CRISPLD2: variants seen among roughly 807,000 people sequenced by gnomAD.
The protein encoded by CRISPLD2 is cysteine-rich secretory protein LCCL domain-containing 2.
Under a neutral mutation model 71.1 loss-of-function variants are expected in CRISPLD2, and 47 were observed. That is an observed-to-expected ratio of 0.66 (90% CI 0.52 to 0.84). The LOEUF is 0.84. Ranked by LOEUF, CRISPLD2 falls within the 40% of genes least tolerant of loss-of-function variation. The pLI, the probability that CRISPLD2 is intolerant of heterozygous loss-of-function variation, is 0.00. For synonymous variants in CRISPLD2, 317 were observed against 250.1 expected, an observed-to-expected ratio of 1.27 and a Z score of -2.52; for missense variants, 830 against 651.1, an observed-to-expected ratio of 1.27 and a Z score of -2.99.
At chr16:84,864,463 C>G (rs1357066352) in intron 6 of CRISPLD2, among the ~76,000 whole-genome samples, 1 of 152,214 alleles carries the variant, frequency 6.6e-6, no homozygotes, top group African/African-American at 2.4e-5. Context: ...CTCCAGCCAG[C>G]TCCCGCTCTC....
At chr16:84,848,114 GC>G (rs1438193678) in intron 3 of CRISPLD2, among the ~76,000 whole-genome samples, 2 of 152,220 alleles carry the variant, frequency 1.3e-5, no homozygotes, top group East Asian at 1.9e-4. Flanking sequence ...ACTCTGCATG[GC>G]CCCCCGGGGC....
In CRISPLD2 at chr16:84,844,817, G is replaced by T. The variant is rs547298526; in HGVS notation, c.241-969G>T. ...CTTTGCAGGCCTGTGTGTCGCTGAC[G>T]TGGATAAAGCCTCCCTGACTGCAGC... is the stretch of plus-strand genomic sequence containing the variant. On this transcript the variant is annotated intron_variant, in intron 2 of 14. Transcript: ENST00000262424. 5.9e-5 allele frequency among the ~76,000 whole-genome samples: 9 copies of T among 152,242 alleles called. No individual in the cohort carries two copies. In the South Asian group the frequency reaches 1.9e-3, roughly 32 times the overall value.
intron 5 of CRISPLD2, among the ~76,000 whole-genome samples, chr16:84,851,952 A>G (rs1185057198): frequency 6.6e-6 from 1 of 152,232 alleles, no homozygotes; most frequent in African/African-American, 2.4e-5. Context: ...CAGAGGCCAC[A>G]GCCTGGGCAG....
In CRISPLD2 at chr16:84,849,530, C is replaced by A. The variant is rs1343218158; in HGVS notation, c.492+13C>A. Reference sequence around the variant, plus strand: ...GCACTACACACAGGTAACTCGGGGACTTGCCACGACCTCAGCCCTGCCCCC... The same window carrying A: ...GCACTACACACAGGTAACTCGGGGAATTGCCACGACCTCAGCCCTGCCCCC... On this transcript the variant is annotated intron_variant, in intron 4 of 14. Coordinates refer to ENST00000262424, the MANE Select transcript of CRISPLD2 (RefSeq NM_031476.4). The A allele has an allele frequency of 1.9e-6, 3 of 1,612,704 alleles. No individual in the cohort carries two copies. The East Asian group carries it at 6.7e-5, about 36-fold the overall frequency.
intron 14 of CRISPLD2, among the ~76,000 whole-genome samples, chr16:84,892,669 A>G (rs906788141): frequency 6.6e-6 from 1 of 152,042 alleles, no homozygotes; most frequent in African/African-American, 2.4e-5. Context: ...TGATTCTGAT[A>G]TTATTTTGCT....
chr16:84,859,157 G>A (rs137987609), intron 6 of CRISPLD2, among the ~76,000 whole-genome samples: 1 of 152,162 alleles, frequency 6.6e-6, no homozygotes. Flanking sequence ...TCCCTTACCT[G>A]TCAGGGAGCC....
At chr16:84,851,261 G>GGCCTCCTGATCATGGT (rs1351065373) in intron 5 of CRISPLD2, among the ~76,000 whole-genome samples, 1 of 152,178 alleles carries the variant, frequency 6.6e-6, no homozygotes, top group Non-Finnish European at 1.5e-5. Flanking sequence ...GTCCACATGC[G>GGCCTCCTGATCATGGT]GCCTCCTGAT....
intron 1 of CRISPLD2, among the ~76,000 whole-genome samples, chr16:84,822,380 G>T (rs1426201392): frequency 2.6e-5 from 4 of 152,156 alleles, no homozygotes; most frequent in African/African-American, 9.7e-5. Context: ...AGTTTTTGGA[G>T]GCAGGACCCT....
At chr16:84,902,875 C>T (rs188228139) in intron 14 of CRISPLD2, among the ~76,000 whole-genome samples, 4 of 145,240 alleles carry the variant, frequency 2.8e-5, no homozygotes, top group East Asian at 4.3e-4. Context: ...TGGGTTCAAG[C>T]GATTCTCCTG....
At chr16:84,902,597 G>A (rs537691054) in intron 14 of CRISPLD2, among the ~76,000 whole-genome samples, 3 of 150,776 alleles carry the variant, frequency 2.0e-5, no homozygotes, top group South Asian at 2.1e-4. Flanking sequence ...GTGACAGAGC[G>A]AGACTCCATC....
intron 14 of CRISPLD2, among the ~76,000 whole-genome samples, chr16:84,905,583 G>T (rs761164243): frequency 6.6e-6 from 1 of 151,968 alleles, no homozygotes; most frequent in African/African-American, 2.4e-5. Context: ...TAGAGGCAGG[G>T]TTTCACCATG....
At chr16:84,902,939 A>G (rs1414325760) in intron 14 of CRISPLD2, among the ~76,000 whole-genome samples, 1 of 151,398 alleles carries the variant, frequency 6.6e-6, no homozygotes, top group Non-Finnish European at 1.5e-5. Context: ...CAGCCAGCTA[A>G]TTTTTGTATT....
rs57506146 is a variant in CRISPLD2 at position 84,858,484 on chromosome 16, A to C, written c.709+3655A>C. 2.9e-3 allele frequency among the ~76,000 whole-genome samples: 447 copies of C among 152,258 alleles called. 4 individuals are homozygous for C. The highest frequency in any genetic ancestry group is 0.01 in the African/African-American group (425 of 41,542). ...GGCCTAACACCACTAGACCCCTGTA[A>C]ATTTTACCAAGGTAGAAGTTTCCTG... On this transcript the variant is annotated intron_variant, in intron 6 of 14. Coordinates refer to ENST00000262424, the MANE Select transcript of CRISPLD2 (RefSeq NM_031476.4).
At position 84,886,192 on chromosome 16, in the gene CRISPLD2, T is replaced by A. The variant is rs147853554; in HGVS notation, c.1306-3038T>A. Among the ~76,000 whole-genome samples the A allele has an allele frequency of 1.5e-3, 221 of 152,128 alleles. 1 individual carries two copies. The highest frequency in any genetic ancestry group is 5.1e-3 in the African/African-American group (213 of 41,514). Reference sequence around the variant, plus strand: ...GGTGTAAGCCACCGCGCCGGCCAAATTGGTATTTTCAAAGAGCCCGCCTCT... The same window carrying A: ...GGTGTAAGCCACCGCGCCGGCCAAAATGGTATTTTCAAAGAGCCCGCCTCT... On this transcript the variant is annotated intron_variant, in intron 13 of 14. Transcript: ENST00000262424.
intron 2 of CRISPLD2, among the ~76,000 whole-genome samples, chr16:84,844,309 C>G (rs1219557624): frequency 2.0e-5 from 3 of 152,320 alleles, no homozygotes; most frequent in African/African-American, 7.2e-5. Context: ...CAGGGCTGGG[C>G]AAGCTGAAGA....
intron 3 of CRISPLD2, among the ~76,000 whole-genome samples, chr16:84,848,294 G>A (rs1916971866): frequency 6.6e-6 from 1 of 152,194 alleles, no homozygotes; most frequent in East Asian, 1.9e-4. Context: ...TCCGCTTCCA[G>A]ACAGTAATTG....
At chr16:84,895,666 G>C (rs2071699555) in intron 14 of CRISPLD2, among the ~76,000 whole-genome samples, 1 of 152,114 alleles carries the variant, frequency 6.6e-6, no homozygotes, top group African/African-American at 2.4e-5. Context: ...TAGAGTGTGG[G>C]CTTTGTGAGG....
At chr16:84,863,492 C>T (rs114298093) in intron 6 of CRISPLD2, among the ~76,000 whole-genome samples, 3 of 152,168 alleles carry the variant, frequency 2.0e-5, no homozygotes, top group East Asian at 3.9e-4. Flanking sequence ...ATTCTCCCCT[C>T]TCACCCCCAC....
intron 6 of CRISPLD2, among the ~76,000 whole-genome samples, chr16:84,864,668 C>CT (rs1408982603): frequency 6.6e-6 from 1 of 152,208 alleles, no homozygotes; most frequent in East Asian, 1.9e-4. Context: ...ACAGGATTCT[C>CT]TGGGGGTTTT....
Sources: allele counts gnomAD v4.1 joint callset (sites outside exome capture counted in the v4.1 genomes callset), GRCh38; gene constraint gnomAD v4.1.1; transcripts MANE v1.5; gene names NCBI Gene and HGNC (gene_info 2026-07-23, HGNC 2026-07-21).